The following ATP2C1 variants were observed in gnomAD, a reference collection of about 807,000 sequenced individuals.
ATP2C1 encodes the protein ATPase secretory pathway Ca2+ transporting 1.
ATP2C1 carries 31 observed loss-of-function variants against 120.5 expected under a neutral mutation model. The observed-to-expected ratio is 0.26, with a 90% CI of 0.19 to 0.35. The LOEUF (loss-of-function observed/expected upper bound fraction) is 0.35. Ranked by LOEUF, ATP2C1 falls within the 10% of genes least tolerant of loss-of-function variation. The pLI is 1.00. For missense variants in ATP2C1, 731 were observed against 1,107.5 expected (o/e 0.66, Z 4.83); for synonymous variants, 351 against 358.7 (o/e 0.98, Z 0.24).
At chr3:130,910,055 G>T (rs953277175) in intron 2 of ATP2C1, among the ~76,000 whole-genome samples, 4 of 152,116 alleles carry the variant, frequency 2.6e-5, no homozygotes, top group Admixed American at 6.5e-5. Context: ...GTATGCTTTT[G>T]TAAATGTTGA....
chr3:130,968,237 A>T (rs2061141579), intron 16 of ATP2C1, among the ~76,000 whole-genome samples: 1 of 152,182 alleles, frequency 6.6e-6, no homozygotes. Context: ...CATAGTACTC[A>T]AAACATGAAT....
intron 1 of ATP2C1, among the ~76,000 whole-genome samples, chr3:130,885,118 G>C (rs144687324): frequency 1.4e-3 from 219 of 151,960 alleles, no homozygotes; most frequent in Middle Eastern, 0.014. Context: ...ATTTTTAGTA[G>C]AGACGGGGTT....
Position 130,930,573 on chromosome 3 carries a change from C to G in ATP2C1, c.117+47C>G, listed in dbSNP as rs376482298. The G allele has an allele frequency of 2.3e-5, 26 of 1,153,562 alleles. 1 individual carries two copies. The highest frequency in any genetic ancestry group is 3.4e-5 in the Non-Finnish European group (26 of 760,438). The allele number at this position is 1,153,562 out of a possible 1,614,324, so 71.5% of individuals were successfully genotyped here. A position where few individuals can be genotyped will look rare whatever the true frequency, so the allele number is the denominator to read the frequency against. The stretch of plus-strand genomic sequence containing the variant: ...AGGGACTAGATGGTGTAAAGTCAGT[C>G]ACTTAGACTCTATAAAACAGTGCTG... On this transcript the variant is annotated intron_variant, in intron 3 of 27. Coordinates refer to ENST00000510168, the MANE Select transcript of ATP2C1 (RefSeq NM_001378687.1).
intron 1 of ATP2C1, among the ~76,000 whole-genome samples, chr3:130,885,417 T>A (rs1196661266): frequency 6.6e-6 from 1 of 152,180 alleles, no homozygotes; most frequent in Non-Finnish European, 1.5e-5. Context: ...TTCTCTTCCT[T>A]CTTTCCTTCC....
intron 24 of ATP2C1, 119 bp from the exon 25 acceptor site, chr3:130,997,487 A>G (rs2062681694): frequency 1.1e-6 from 1 of 952,180 alleles, no homozygotes; most frequent in Non-Finnish European, 1.6e-6. Context: ...ATGATGCAAC[A>G]TTTTGTTTCT....
chr3:130,989,479 C>G (rs1486729850), intron 20 of ATP2C1, among the ~76,000 whole-genome samples: 7 of 144,620 alleles, frequency 4.8e-5, no homozygotes, highest in Non-Finnish European at 1.1e-4. Context: ...GCAGGAGAAT[C>G]GCTTGAACCC....
chr3:130,980,710 A>T, intron 20 of ATP2C1, 31 bp downstream of exon 20: 1 of 1,479,034 alleles, frequency 6.8e-7, no homozygotes, highest in Non-Finnish European at 9.5e-7. Flanking sequence ...TTTGGACTGA[A>T]AGGCCTTATT....
At chr3:130,858,024 T>G (rs1014498801) in intron 1 of ATP2C1, among the ~76,000 whole-genome samples, 3 of 152,060 alleles carry the variant, frequency 2.0e-5, no homozygotes, top group African/African-American at 7.2e-5. Flanking sequence ...GAACTTGGAG[T>G]CCGATGTTCC....
At chr3:130,872,595 T>G (rs2068470134) in intron 1 of ATP2C1, among the ~76,000 whole-genome samples, 1 of 152,010 alleles carries the variant, frequency 6.6e-6, no homozygotes, top group Non-Finnish European at 1.5e-5. Context: ...TTCTTTTTTT[T>G]TTTTTTAAAG....
chr3:130,957,413 C>T (rs2060627222), intron 11 of ATP2C1, among the ~76,000 whole-genome samples: 2 of 152,178 alleles, frequency 1.3e-5, no homozygotes, highest in Admixed American at 1.3e-4. Flanking sequence ...ATTCTGTAAT[C>T]CAGTCTTTAT....
At chr3:130,944,883 A>G (rs2060074673) in intron 8 of ATP2C1, among the ~76,000 whole-genome samples, 1 of 152,210 alleles carries the variant, frequency 6.6e-6, no homozygotes, top group African/African-American at 2.4e-5. Context: ...AGTAGTATTT[A>G]TATATAACCT....
intron 8 of ATP2C1, among the ~76,000 whole-genome samples, chr3:130,951,434 G>C (rs1047069575): frequency 2.6e-5 from 4 of 152,110 alleles, no homozygotes; most frequent in Admixed American, 2.6e-4. Context: ...TGATAATTTA[G>C]CATAGATATG....
At chr3:130,979,532 A>G (rs1045699761) in intron 19 of ATP2C1, 113 bp downstream of exon 19, 15 of 1,159,070 alleles carry the variant, frequency 1.3e-5, no homozygotes, top group East Asian at 2.6e-5. Context: ...AGATTATGCA[A>G]TTGAAATCGA....
chr3:130,856,085 G>A (rs2067832011), intron 1 of ATP2C1: 1 of 151,876 alleles, frequency 6.6e-6, no homozygotes, highest in African/African-American at 2.4e-5. Context: ...TTTGGGCCCA[G>A]GGGGCATGTA....
chr3:130,951,987 C>G (rs1043108559), intron 8 of ATP2C1, among the ~76,000 whole-genome samples: 7 of 152,232 alleles, frequency 4.6e-5, no homozygotes, highest in African/African-American at 1.7e-4. Context: ...CACAAACACA[C>G]CAAGCATGTT....
At chr3:130,908,388 G>A (rs1270592220) in intron 2 of ATP2C1, among the ~76,000 whole-genome samples, 1 of 151,854 alleles carries the variant, frequency 6.6e-6, no homozygotes, top group Non-Finnish European at 1.5e-5. Context: ...AAAAGAATGA[G>A]GCAGGTTAGT....
chr3:130,909,029 AAAGAATATTT>A (rs1415725868), intron 2 of ATP2C1, among the ~76,000 whole-genome samples: 25 of 152,366 alleles, frequency 1.6e-4, no homozygotes, highest in African/African-American at 5.8e-4. Flanking sequence ...CTTTAAGTAC[AAAGAATATTT>A]AAGAATACTT....
At chr3:130,911,852 T>C (rs1485123016) in intron 2 of ATP2C1, among the ~76,000 whole-genome samples, 2 of 144,212 alleles carry the variant, frequency 1.4e-5, no homozygotes, top group Admixed American at 7.0e-5. Context: ...CTTCAAACTA[T>C]ACTACAAGGC....
At chr3:131,013,741 A>ACTT (rs1350603195) in intron 26 of ATP2C1, 3 of 186,654 alleles carry the variant, frequency 1.6e-5, no homozygotes, top group African/African-American at 7.0e-5. Flanking sequence ...ATTGAGTGAG[A>ACTT]CTTCTACTTT....
Sources: gnomAD v4.1 joint callset for allele counts (sites outside exome capture counted in the v4.1 genomes callset) on GRCh38, gnomAD v4.1.1 for gene constraint, MANE v1.5 for transcripts, NCBI Gene and HGNC (gene_info 2026-07-23, HGNC 2026-07-21) for gene names.